The following RIMS2 variants were observed in gnomAD, a reference collection of about 807,000 sequenced individuals.
RIMS2 encodes the protein regulating synaptic membrane exocytosis protein 2.
A neutral mutation model predicts 174.4 loss-of-function variants in RIMS2; 59 were observed. The observed-to-expected ratio is 0.34, with a 90% CI of 0.27 to 0.42. The LOEUF (loss-of-function observed/expected upper bound fraction) is 0.42. RIMS2 is among the 10% of genes least tolerant of loss of function. The pLI, the probability that RIMS2 is intolerant of heterozygous loss-of-function variation, is 1.00. For missense variants in RIMS2, 1,620 were observed against 1,666.3 expected (o/e 0.97, Z 0.48); for synonymous variants, 606 against 572.5 (o/e 1.06, Z -0.84).
At chr8:103,724,324 C>T (rs2097499301) in intron 2 of RIMS2, among the ~76,000 whole-genome samples, 1 of 152,142 alleles carries the variant, frequency 6.6e-6, no homozygotes, top group Admixed American at 6.6e-5. Flanking sequence ...ACATCACTCT[C>T]TGCATTTCTC....
intron 1 of RIMS2, among the ~76,000 whole-genome samples, chr8:103,687,458 C>T (rs1387839713): frequency 6.6e-6 from 1 of 151,604 alleles, no homozygotes; most frequent in Non-Finnish European, 1.5e-5. Context: ...GTTTTGAAGT[C>T]TGTATATATT....
intron 4 of RIMS2, among the ~76,000 whole-genome samples, chr8:103,906,556 G>GT (rs1318403975): frequency 4.6e-5 from 7 of 152,166 alleles, no homozygotes; most frequent in South Asian, 2.1e-4. Flanking sequence ...TATATGACAG[G>GT]TTTTTTTGTC....
chr8:103,866,669 CTT>C (rs1460691293), intron 3 of RIMS2, among the ~76,000 whole-genome samples: 5 of 152,056 alleles, frequency 3.3e-5, no homozygotes, highest in Non-Finnish European at 5.9e-5. Context: ...TTAACGTTGT[CTT>C]TGTATAATCT....
At chr8:103,827,748 T>C (rs572565611) in intron 3 of RIMS2, among the ~76,000 whole-genome samples, 1 of 152,216 alleles carries the variant, frequency 6.6e-6, no homozygotes, top group South Asian at 2.1e-4. Context: ...GGCAGGAGAA[T>C]CGCTTGAACC....
intron 11 of RIMS2, among the ~76,000 whole-genome samples, chr8:103,928,880 A>G (rs1030294239): frequency 4.6e-5 from 7 of 151,548 alleles, no homozygotes; most frequent in African/African-American, 1.7e-4. Flanking sequence ...ATTTGGGGGA[A>G]TCAACAGCTA....
chr8:103,536,785 C>T (rs75016820), intron 1 of RIMS2, among the ~76,000 whole-genome samples: 2,689 of 152,278 alleles, frequency 0.018, 38 homozygotes, highest in Non-Finnish European at 0.028. Flanking sequence ...CCCACCAGGT[C>T]CCACCCTCCA....
chr8:104,105,070 C>A (rs528179379), intron 19 of RIMS2, among the ~76,000 whole-genome samples: 3 of 151,948 alleles, frequency 2.0e-5, no homozygotes, highest in Non-Finnish European at 2.9e-5. Context: ...GTTTTTGTAA[C>A]GGCTATTTAA....
chr8:103,876,867 TATATATATATATATATA>T (rs1565060737), intron 3 of RIMS2, among the ~76,000 whole-genome samples: 2,362 of 28,472 alleles, frequency 0.083, 126 homozygotes, highest in African/African-American at 0.17. Flanking sequence ...CACTATTTTA[TATATATATATATATATA>T]TATATATATA....
intron 16 of RIMS2, among the ~76,000 whole-genome samples, chr8:103,983,673 G>T (rs75599536): frequency 6.6e-6 from 1 of 152,158 alleles, no homozygotes; most frequent in East Asian, 1.9e-4. Context: ...AATAAATCGT[G>T]CTGGGAACAC....
chr8:103,758,033 C>T (rs2098049697), intron 2 of RIMS2, among the ~76,000 whole-genome samples: 1 of 152,126 alleles, frequency 6.6e-6, no homozygotes, highest in Non-Finnish European at 1.5e-5. Context: ...TTTTAAGCCA[C>T]CAGTTTGGGG....
intron 1 of RIMS2, among the ~76,000 whole-genome samples, chr8:103,680,931 T>C (rs1287799375): frequency 2.0e-5 from 3 of 151,980 alleles, no homozygotes; most frequent in Non-Finnish European, 4.4e-5. Flanking sequence ...AAAAAGTATC[T>C]AGTGAATGTT....
intron 19 of RIMS2, among the ~76,000 whole-genome samples, chr8:104,084,129 A>G (rs1361353509): frequency 6.6e-6 from 1 of 152,096 alleles, no homozygotes; most frequent in Non-Finnish European, 1.5e-5. Context: ...CTTAGTATCA[A>G]GTATAAACAT....
chr8:103,702,795 T>C (rs1319324248), intron 2 of RIMS2, among the ~76,000 whole-genome samples: 2 of 152,056 alleles, frequency 1.3e-5, no homozygotes, highest in African/African-American at 4.8e-5. Context: ...CTATGCTGTT[T>C]TGGTTACTCT....
chr8:103,632,878 C>T (rs1196255047), intron 1 of RIMS2, among the ~76,000 whole-genome samples: 2 of 151,152 alleles, frequency 1.3e-5, no homozygotes, highest in African/African-American at 2.4e-5. Flanking sequence ...GGACTACAGG[C>T]ACCCGCCACC....
intron 19 of RIMS2, among the ~76,000 whole-genome samples, chr8:104,187,257 C>T (rs2098973117): frequency 6.6e-6 from 1 of 151,720 alleles, no homozygotes. Context: ...CAAAATAATT[C>T]AGTGTAGGCA....
At chr8:103,557,760 C>T (rs1038921063) in intron 1 of RIMS2, among the ~76,000 whole-genome samples, 2 of 152,134 alleles carry the variant, frequency 1.3e-5, no homozygotes, top group African/African-American at 2.4e-5. Flanking sequence ...TGATTTATAA[C>T]TAAATTGTAA....
At chr8:103,774,969 TTTA>T (rs1401521939) in intron 3 of RIMS2, among the ~76,000 whole-genome samples, 6 of 152,146 alleles carry the variant, frequency 3.9e-5, no homozygotes, top group Non-Finnish European at 7.4e-5. Context: ...TCATTGAAAT[TTTA>T]TTAGTAGTAA....
chr8:104,175,138 T>C (rs190823894), intron 19 of RIMS2, among the ~76,000 whole-genome samples: 159 of 152,320 alleles, frequency 1.0e-3, no homozygotes, highest in Non-Finnish European at 1.7e-3. Context: ...TTTGAAGAGC[T>C]GCCATTTTCG....
Position 103,516,147 on chromosome 8 carries a change from C to G in RIMS2, c.176+15085C>G, listed in dbSNP as rs79924054. Reference sequence around the variant, plus strand: ...CTGTATTATGCTTTGTTATTTTAAACTTGCAGACATTTTAAAAAGTTAAAA... The same window carrying G: ...CTGTATTATGCTTTGTTATTTTAAAGTTGCAGACATTTTAAAAAGTTAAAA... On this transcript the variant is annotated intron_variant, in intron 1 of 23. Coordinates refer to ENST00000504942, the Ensembl canonical transcript of RIMS2. 6.8e-4 allele frequency among the ~76,000 whole-genome samples: 104 copies of G among 152,190 alleles called. 1 individual carries two copies. The East Asian group carries it at 9.4e-3, about 14-fold the overall frequency.
Sources: allele counts gnomAD v4.1 joint callset (sites outside exome capture counted in the v4.1 genomes callset), GRCh38; gene constraint gnomAD v4.1.1; transcripts MANE v1.5; gene names NCBI Gene and HGNC (gene_info 2026-07-23, HGNC 2026-07-21).